The following CRISP2 variants were observed in gnomAD, a reference collection of about 807,000 sequenced individuals.
CRISP2 encodes cysteine rich secretory protein 2, also known as cysteine-rich secretory protein 2.
Under a neutral mutation model 31.7 loss-of-function variants are expected in CRISP2, and 29 were observed. The observed-to-expected ratio is 0.92, with a 90% confidence interval of 0.68 to 1.25. The LOEUF is 1.25. CRISP2 is among the 50% of genes most tolerant of loss of function. The probability of loss-of-function intolerance (pLI) is 0.00; values close to 1 mark genes in which losing one functional copy is unlikely to be tolerated. For missense variants in CRISP2, 318 were observed against 286.5 expected, an observed-to-expected ratio of 1.11 and a Z score of -0.79; for synonymous variants, 111 against 101.4, an observed-to-expected ratio of 1.09 and a Z score of -0.57.
At chr6:49,703,851 A>G (rs1382468370) in intron 4 of CRISP2, among the ~76,000 whole-genome samples, 2 of 152,120 alleles carry the variant, frequency 1.3e-5, no homozygotes, top group African/African-American at 4.8e-5. Context: ...TCTTTTTGTG[A>G]TTAATTTCCC....
At chr6:49,682,497 T>G in the CRISP2 span, among the ~76,000 whole-genome samples, 1 of 74,682 alleles carries the variant, frequency 1.3e-5, no homozygotes, top group Non-Finnish European at 2.4e-5. Context: ...CCTCCTCCTA[T>G]TCCTCCTGTT....
intron 8 of CRISP2, among the ~76,000 whole-genome samples, chr6:49,696,493 T>C (rs1266647145): frequency 6.6e-6 from 1 of 151,782 alleles, no homozygotes; most frequent in Non-Finnish European, 1.5e-5. Flanking sequence ...AGGAGTGTGC[T>C]TAGGAAGGTT....
downstream of CRISP2, among the ~76,000 whole-genome samples, chr6:49,691,511 C>T (rs1476785870): frequency 6.6e-6 from 1 of 151,756 alleles, no homozygotes; most frequent in Non-Finnish European, 1.5e-5. Flanking sequence ...GTATGTTTTC[C>T]TTTTACTATA....
chr6:49,686,852 A>ACG, the CRISP2 span, among the ~76,000 whole-genome samples: 2 of 152,190 alleles, frequency 1.3e-5, no homozygotes, highest in Non-Finnish European at 2.9e-5. Context: ...GCACATATAC[A>ACG]CCATGGAATA....
At chr6:49,701,902 T>G (rs866075907) in intron 4 of CRISP2, among the ~76,000 whole-genome samples, 23 of 59,430 alleles carry the variant, frequency 3.9e-4, no homozygotes, top group African/African-American at 1.6e-3. Context: ...TTATTATATA[T>G]TATGTATTAT....
intron 4 of CRISP2, among the ~76,000 whole-genome samples, chr6:49,706,121 T>C (rs905413833): frequency 5.3e-5 from 8 of 152,224 alleles, no homozygotes; most frequent in Non-Finnish European, 1.2e-4. Context: ...AATAATATTT[T>C]ATAACTACAA....
In CRISP2 at chr6:49,700,674, T is replaced by G; in HGVS notation, c.177A>C (p.Leu59=). The change falls in exon 5 of 10, where the codon CTA becomes CTC. Residue 59 remains leucine (L), a synonymous_variant. Coordinates refer to ENST00000339139, the MANE Select transcript of CRISP2 (RefSeq NM_003296.4). ...TTACAGCACTGCCTCTTACCATCTT[T>G]AGCATGTTACTGGCAGGTGGAGAGA... The part of the protein sequence containing the change: ...KAVSPPASNM[L]KMEWSREVTT... The G allele has an allele frequency of 6.3e-7, 1 of 1,598,750 alleles. No homozygotes were observed. Among genetic ancestry groups the G allele is most frequent in the South Asian group, 1.1e-5 (1 of 90,644 alleles).
intron 2 of CRISP2, among the ~76,000 whole-genome samples, chr6:49,711,594 T>A (rs1388306925): frequency 6.6e-6 from 1 of 152,322 alleles, no homozygotes; most frequent in East Asian, 1.9e-4. Context: ...AATCTGCATG[T>A]GGCCTTTTTG....
At chr6:49,690,436 A>C (rs1235728291), downstream of CRISP2, among the ~76,000 whole-genome samples, 2 of 152,142 alleles carry the variant, frequency 1.3e-5, no homozygotes, top group African/African-American at 4.8e-5. Context: ...AAGTAAGAAA[A>C]ACTAAGATAA....
At chr6:49,677,153 G>A in the CRISP2 span, among the ~76,000 whole-genome samples, 1 of 152,124 alleles carries the variant, frequency 6.6e-6, no homozygotes, top group African/African-American at 2.4e-5. Context: ...CACCACTGGT[G>A]TAGTGGTAAT....
In CRISP2 at chr6:49,698,410, A is replaced by G. The variant is rs1483415375; in HGVS notation, c.369T>C (p.Tyr123=). ...SWYDEILDFV[Y]GVGPKSPNAV... The stretch of plus-strand genomic sequence containing the variant: ...CATTGGGACTCTTTGGTCCTACACC[A>G]TAGACAAAATCTAGGATCTCGTCAT... The change falls in exon 7 of 10, where the codon TAT becomes TAC. Residue 123 remains tyrosine (Y), a synonymous_variant. Transcript: ENST00000339139. The G allele has an allele frequency of 1.2e-6, 2 of 1,613,538 alleles. No individual in the cohort carries two copies. Among genetic ancestry groups the G allele is most frequent in the South Asian group, 1.1e-5 (1 of 91,000 alleles).
At chr6:49,684,503 T>A in the CRISP2 span, among the ~76,000 whole-genome samples, 1 of 152,140 alleles carries the variant, frequency 6.6e-6, no homozygotes, top group Non-Finnish European at 1.5e-5. Context: ...ATATAAGGAA[T>A]TCAGCATGGC....
chr6:49,690,956 T>G (rs554526063), downstream of CRISP2, among the ~76,000 whole-genome samples: 27 of 141,912 alleles, frequency 1.9e-4, no homozygotes, highest in East Asian at 2.6e-3. Flanking sequence ...GTATAGAGGG[T>G]TTTTTTTTTT....
chr6:49,711,758 CT>C (rs1418004681), intron 2 of CRISP2, among the ~76,000 whole-genome samples: 2 of 152,112 alleles, frequency 1.3e-5, no homozygotes, highest in African/African-American at 4.8e-5. Context: ...CGGGTGCATT[CT>C]TTGGAAACCA....
At chr6:49,696,619 A>G (rs912663342) in intron 8 of CRISP2, among the ~76,000 whole-genome samples, 2 of 151,868 alleles carry the variant, frequency 1.3e-5, no homozygotes, top group Admixed American at 1.3e-4. Context: ...AGATTAAAGA[A>G]AAGTTTTGAT....
At chr6:49,695,804 A>C (rs1271753413) in intron 9 of CRISP2, 32 bp downstream of exon 9, 2 of 1,351,666 alleles carry the variant, frequency 1.5e-6, no homozygotes, top group Non-Finnish European at 2.1e-6. Flanking sequence ...ATTCTATAAT[A>C]AATAATAGCA....
At chr6:49,683,319 A>T in the CRISP2 span, among the ~76,000 whole-genome samples, 125 of 152,036 alleles carry the variant, frequency 8.2e-4, no homozygotes, top group African/African-American at 2.8e-3. Flanking sequence ...TGTTCACCCA[A>T]CCAGGACCCT....
chr6:49,679,862 T>C, the CRISP2 span, among the ~76,000 whole-genome samples: 2 of 152,168 alleles, frequency 1.3e-5, no homozygotes, highest in South Asian at 2.1e-4. Context: ...TGTGCCACCA[T>C]GCCCAGCTCA....
intron 6 of CRISP2, 112 bp from the exon 7 acceptor site, chr6:49,698,619 CTG>C (rs1434947619): frequency 9.2e-7 from 1 of 1,087,438 alleles, no homozygotes; most frequent in Non-Finnish European, 1.3e-6. Flanking sequence ...CAGATGCTAA[CTG>C]TTGATTAATA....
Sources: allele counts gnomAD v4.1 joint callset (sites outside exome capture counted in the v4.1 genomes callset), GRCh38; gene constraint gnomAD v4.1.1; transcripts MANE v1.5; gene names NCBI Gene and HGNC (gene_info 2026-07-23, HGNC 2026-07-21).